TMEM161B: variants seen among roughly 807,000 people sequenced by gnomAD.
TMEM161B encodes the protein transmembrane protein 161B.
Under a neutral mutation model 61.8 loss-of-function variants are expected in TMEM161B, and 34 were observed. The observed-to-expected ratio is 0.55, with a 90% CI of 0.42 to 0.73. TMEM161B has a LOEUF of 0.73. Ranked by LOEUF, TMEM161B falls within the 30% of genes least tolerant of loss-of-function variation. The pLI, the probability that TMEM161B is intolerant of heterozygous loss-of-function variation, is 0.00. For synonymous variants in TMEM161B, 167 were observed against 192.8 expected (o/e 0.87, Z 1.11); for missense variants, 456 against 558.5 (o/e 0.82, Z 1.85).
chr5:88,259,163 C>T (rs769924377), intron 1 of TMEM161B: 4 of 152,120 alleles, frequency 2.6e-5, no homozygotes, highest in African/African-American at 4.8e-5. Context: ...CAAAAATTTA[C>T]AACATCCCAT....
chr5:88,251,423 T>C (rs1754327037), intron 1 of TMEM161B, among the ~76,000 whole-genome samples: 1 of 152,100 alleles, frequency 6.6e-6, no homozygotes, highest in African/African-American at 2.4e-5. Context: ...CTCCCACAAT[T>C]CTAATCTTGC....
intron 4 of TMEM161B, among the ~76,000 whole-genome samples, chr5:88,223,131 A>AT (rs34109832): frequency 0.75 from 109,116 of 146,126 alleles, 40,690 homozygotes; most frequent in South Asian, 0.85. Context: ...CCCTAAATTC[A>AT]TTTTTTTTTT....
At chr5:88,264,327 A>C (rs1456645619) in intron 1 of TMEM161B, among the ~76,000 whole-genome samples, 3 of 152,212 alleles carry the variant, frequency 2.0e-5, no homozygotes, top group Non-Finnish European at 4.4e-5. Context: ...ACAAACATGA[A>C]AAAAAGCTCA....
In TMEM161B at chr5:88,260,939, G is replaced by A. The variant is rs116435198; in HGVS notation, c.3+7782C>T. On this transcript the variant is annotated intron_variant, in intron 1 of 11. Transcript: ENST00000296595. Reference sequence around the variant, plus strand: ...CCTACTTTAACAACAGAACTACTACGTCTGTTTTATATAATTAAAAGATGT... The same window carrying A: ...CCTACTTTAACAACAGAACTACTACATCTGTTTTATATAATTAAAAGATGT... Among the ~76,000 whole-genome samples, 814 of 152,156 alleles carry A rather than the reference G, an allele frequency of 5.3e-3. 10 individuals are homozygous for A. Among genetic ancestry groups the A allele is most frequent in the African/African-American group, 0.019 (784 of 41,530 alleles).
intron 5 of TMEM161B, among the ~76,000 whole-genome samples, chr5:88,216,352 A>G (rs1747830070): frequency 6.6e-6 from 1 of 152,206 alleles, no homozygotes; most frequent in South Asian, 2.1e-4. Context: ...ATCACGGGAA[A>G]ATATTTTTGA....
intron 1 of TMEM161B, among the ~76,000 whole-genome samples, chr5:88,252,951 A>C (rs1407724140): frequency 1.3e-5 from 2 of 152,168 alleles, no homozygotes; most frequent in African/African-American, 4.8e-5. Flanking sequence ...CCAAATTAGA[A>C]ACAGGATGCT....
At chr5:88,234,174 C>G (rs1028662309) in intron 2 of TMEM161B, among the ~76,000 whole-genome samples, 2 of 151,836 alleles carry the variant, frequency 1.3e-5, no homozygotes, top group Non-Finnish European at 2.9e-5. Flanking sequence ...AGGAATAATC[C>G]AACTGAAATG....
chr5:88,215,519 A>G (rs72771809), intron 5 of TMEM161B, among the ~76,000 whole-genome samples: 1 of 152,270 alleles, frequency 6.6e-6, no homozygotes, highest in Non-Finnish European at 1.5e-5. Context: ...CACATACTCA[A>G]GCATACACAC....
intron 5 of TMEM161B, among the ~76,000 whole-genome samples, chr5:88,209,944 G>A (rs1042462929): frequency 6.6e-6 from 1 of 152,104 alleles, no homozygotes; most frequent in Non-Finnish European, 1.5e-5. Flanking sequence ...TCCCAGCTGA[G>A]GCCATTCTTT....
intron 4 of TMEM161B, among the ~76,000 whole-genome samples, chr5:88,221,128 T>C (rs1017113997): frequency 2.0e-5 from 3 of 152,246 alleles, no homozygotes; most frequent in Admixed American, 6.5e-5. Context: ...AATTTAGTTA[T>C]ACTGTTCACT....
intron 4 of TMEM161B, among the ~76,000 whole-genome samples, chr5:88,222,746 T>C (rs1421682676): frequency 6.6e-6 from 1 of 152,174 alleles, no homozygotes; most frequent in Non-Finnish European, 1.5e-5. Context: ...TCATGATAAT[T>C]ATTGGGACAT....
intron 2 of TMEM161B, among the ~76,000 whole-genome samples, chr5:88,240,478 C>A (rs958251917): frequency 4.0e-5 from 6 of 151,684 alleles, no homozygotes; most frequent in African/African-American, 1.5e-4. Flanking sequence ...GGACTGAATT[C>A]TTGTCCATGA....
chr5:88,189,505 G>A (rs569851730), downstream of TMEM161B: 2 of 152,578 alleles, frequency 1.3e-5, no homozygotes, highest in Non-Finnish European at 2.9e-5. Context: ...GGTGGGAGTG[G>A]TCAGGACGAC....
At chr5:88,203,631 C>G (rs1320789841) in intron 8 of TMEM161B, among the ~76,000 whole-genome samples, 1 of 151,274 alleles carries the variant, frequency 6.6e-6, no homozygotes, top group Non-Finnish European at 1.5e-5. Context: ...ACTGAGGAAC[C>G]TTTTAACGTG....
chr5:88,252,962 T>C (rs1754526520), intron 1 of TMEM161B, among the ~76,000 whole-genome samples: 1 of 152,148 alleles, frequency 6.6e-6, no homozygotes. Context: ...ACAGGATGCT[T>C]GGTGAGTAGT....
At chr5:88,239,155 T>C (rs1216974653) in intron 2 of TMEM161B, among the ~76,000 whole-genome samples, 1 of 151,994 alleles carries the variant, frequency 6.6e-6, no homozygotes, top group African/African-American at 2.4e-5. Flanking sequence ...ATAAAGATAA[T>C]CAGCTTTTTG....
Position 88,264,291 on chromosome 5 carries a change from C to A in TMEM161B, c.3+4430G>T, listed in dbSNP as rs545736574. 7.2e-5 allele frequency among the ~76,000 whole-genome samples: 11 copies of A among 152,220 alleles called. No homozygotes were observed. In the East Asian group the frequency reaches 2.1e-3, roughly 29 times the overall value. ...AGGCGAAGGATATGAACAGACACTT[C>A]TCAAAAGAAGACATTTATGTGGCCA... On this transcript the variant is annotated intron_variant, in intron 1 of 11. Coordinates refer to ENST00000296595, the MANE Select transcript of TMEM161B (RefSeq NM_153354.5).
intron 1 of TMEM161B, among the ~76,000 whole-genome samples, chr5:88,257,205 G>T (rs925924921): frequency 2.6e-5 from 4 of 152,298 alleles, no homozygotes; most frequent in African/African-American, 9.6e-5. Context: ...AGGGGAGGTT[G>T]CAGTGAGCTG....
At chr5:88,218,622 A>C (rs1009995198) in intron 5 of TMEM161B, among the ~76,000 whole-genome samples, 2 of 152,168 alleles carry the variant, frequency 1.3e-5, no homozygotes, top group Non-Finnish European at 2.9e-5. Flanking sequence ...GTCTCTACAG[A>C]AAATAAAGAG....
Sources: gnomAD v4.1 joint callset for allele counts (sites outside exome capture counted in the v4.1 genomes callset) on GRCh38, gnomAD v4.1.1 for gene constraint, MANE v1.5 for transcripts, NCBI Gene and HGNC (gene_info 2026-07-23, HGNC 2026-07-21) for gene names.